Variants in NBR1 observed in about 807,000 individuals in gnomAD.
NBR1 encodes the protein NBR1 autophagy cargo receptor.
In NBR1, 59 loss-of-function variants were observed where a neutral mutation model predicts 115.5. That is an observed-to-expected ratio of 0.51 (90% CI 0.41 to 0.63). NBR1 has a LOEUF of 0.63. NBR1 is among the 30% of genes least tolerant of loss of function. The pLI, the probability that NBR1 is intolerant of heterozygous loss-of-function variation, is 0.00. For synonymous variants in NBR1, 373 were observed against 414.7 expected (o/e 0.90, Z 1.22); for missense variants, 1,043 against 1,150.5 (o/e 0.91, Z 1.35).
At chr17:43,194,848 C>A in intron 13 of NBR1, 116 bp from the exon 14 acceptor site, 1 of 746,826 alleles carries the variant, frequency 1.3e-6, no homozygotes, top group Non-Finnish European at 2.2e-6. Flanking sequence ...TGTCTGGGGA[C>A]AGGCATGAAT....
At chr17:43,173,551 C>A (rs796525330) in intron 1 of NBR1, among the ~76,000 whole-genome samples, 9 of 152,266 alleles carry the variant, frequency 5.9e-5, no homozygotes, top group African/African-American at 1.9e-4. Context: ...TCCCAAAATG[C>A]TGGAATTACA....
At position 43,191,615 on chromosome 17, in the gene NBR1, T is replaced by G. The variant is rs1363313374; in HGVS notation, c.1073+34T>G. The G allele has an allele frequency of 2.7e-6, 4 of 1,458,048 alleles. No homozygotes were observed. In the South Asian group the frequency reaches 5.0e-5, roughly 18 times the overall value. 90.3% of individuals were successfully genotyped at this position (1,458,048 alleles called of 1,614,324 possible). The stretch of plus-strand genomic sequence containing the variant: ...AGGACTGGGGTGGGAGCCAAAACTT[T>G]AGGCCCAGCTCTCTGAAACTGGAAC... On this transcript the variant is annotated intron_variant, in intron 10 of 20. Transcript: ENST00000590996.
At chr17:43,193,678 C>G (rs372094296) in intron 12 of NBR1, 40 bp downstream of exon 12, 17 of 1,559,378 alleles carry the variant, frequency 1.1e-5, no homozygotes, top group Non-Finnish European at 1.4e-5. Flanking sequence ...GTATCCAAAT[C>G]TTAGTTAGAG....
intron 5 of NBR1, among the ~76,000 whole-genome samples, chr17:43,183,478 C>G (rs979884351): frequency 1.5e-4 from 22 of 149,478 alleles, no homozygotes; most frequent in Non-Finnish European, 2.6e-4. Context: ...CTTAGCCTCC[C>G]AAAGTGCTGG....
At chr17:43,208,384 A>G (rs1049625689) in intron 20 of NBR1, among the ~76,000 whole-genome samples, 4 of 152,230 alleles carry the variant, frequency 2.6e-5, no homozygotes, top group Non-Finnish European at 4.4e-5. Flanking sequence ...TTAACCTGCA[A>G]AGGAGGATGG....
intron 7 of NBR1, 62 bp from the exon 8 acceptor site, chr17:43,189,526 C>G: frequency 8.4e-7 from 1 of 1,189,184 alleles, no homozygotes; most frequent in Middle Eastern, 1.9e-4. Flanking sequence ...CTATTGATAT[C>G]TTCACATTTT....
At chr17:43,199,161 C>A (rs1251610117) in intron 16 of NBR1, among the ~76,000 whole-genome samples, 5 of 151,416 alleles carry the variant, frequency 3.3e-5, no homozygotes, top group Admixed American at 1.3e-4. Context: ...TGGCTCATTG[C>A]AGCCACAACA....
intron 5 of NBR1, among the ~76,000 whole-genome samples, chr17:43,181,668 C>CA (rs1016342240): frequency 5.0e-4 from 73 of 147,056 alleles, no homozygotes; most frequent in East Asian, 2.1e-4. Context: ...TGTCTCAAAA[C>CA]AAAAAAAACA....
chr17:43,210,632 A>G lies in NBR1; in HGVS notation c.*558A>G. ...AGAAAGTAATTTTCCTGCAATACTT[A>G]ATAATTGGCACCGTTGCTTTCTAAA... is the stretch of plus-strand genomic sequence containing the variant. On this transcript the variant is annotated 3_prime_UTR_variant, in exon 21 of 21. Transcript: ENST00000590996. 1 of 398,552 alleles carries G rather than the reference A, an allele frequency of 2.5e-6. No individual in the cohort carries two copies. Among genetic ancestry groups the G allele is most frequent in the Non-Finnish European group, 4.4e-6 (1 of 226,056 alleles). 24.7% of individuals were successfully genotyped at this position (398,552 alleles called of 1,614,324 possible).
chr17:43,196,530 G>A lies in NBR1; in HGVS notation c.1800G>A (p.Glu600=). The change falls in exon 15 of 21, where the codon GAG becomes GAA. Residue 600 remains glutamate, a synonymous_variant. Transcript: ENST00000590996. ...SPLPHDSPLI[E]KPGLGQIEEE... ...TGCCACATGACAGTCCTTTAATAGAGAAGCCAGGCTTGGGGCAGATAGAGG... is the reference window on the plus strand; with the variant it reads ...TGCCACATGACAGTCCTTTAATAGAAAAGCCAGGCTTGGGGCAGATAGAGG... The A allele has an allele frequency of 6.2e-7, 1 of 1,605,920 alleles. No homozygotes were observed. Among genetic ancestry groups the A allele is most frequent in the South Asian group, 1.1e-5 (1 of 89,192 alleles).
intron 15 of NBR1, 39 bp downstream of exon 15, chr17:43,196,630 C>A (rs1196725930): frequency 2.2e-6 from 3 of 1,387,888 alleles, no homozygotes; most frequent in Admixed American, 2.1e-5. Flanking sequence ...TGCATCCTCC[C>A]TTTCCATATC....
chr17:43,191,674 C>T, intron 10 of NBR1, 93 bp downstream of exon 10: 1 of 770,202 alleles, frequency 1.3e-6, no homozygotes, highest in Non-Finnish European at 2.1e-6. Flanking sequence ...ATTGGTAGCC[C>T]TTAACACCTA....
At chr17:43,202,406 CA>C (rs1286049012) in intron 18 of NBR1, among the ~76,000 whole-genome samples, 3 of 151,774 alleles carry the variant, frequency 2.0e-5, no homozygotes, top group Non-Finnish European at 2.9e-5. Context: ...CAAAATATAT[CA>C]GTGTGTTAGG....
chr17:43,178,631 A>C (rs1230793549), intron 3 of NBR1, among the ~76,000 whole-genome samples: 3 of 149,410 alleles, frequency 2.0e-5, no homozygotes, highest in Non-Finnish European at 3.0e-5. Context: ...CCCACCTCGG[A>C]CTCCCAAAGT....
chr17:43,206,235 T>C (rs1019372158), intron 20 of NBR1, among the ~76,000 whole-genome samples: 1 of 150,970 alleles, frequency 6.6e-6, no homozygotes, highest in Non-Finnish European at 1.5e-5. Context: ...TGCTGTGTTA[T>C]GAGGTTTGGA....
At chr17:43,188,586 G>A (rs1291667621) in intron 6 of NBR1, among the ~76,000 whole-genome samples, 4 of 152,110 alleles carry the variant, frequency 2.6e-5, no homozygotes, top group African/African-American at 9.7e-5. Context: ...GGTTTTTATG[G>A]TTTTAGATCT....
rs1298970122 is a variant in NBR1 at position 43,187,547 on chromosome 17, C to T, written c.402+1103C>T. Among the ~76,000 whole-genome samples, 9 of 118,806 alleles carry T rather than the reference C, an allele frequency of 7.6e-5. No homozygotes were observed. The East Asian group carries it at 8.2e-4, about 11-fold the overall frequency. 77.9% of individuals were successfully genotyped at this position (118,806 alleles called of 152,430 possible). A position where few individuals can be genotyped will look rare whatever the true frequency, so the allele number is the denominator to read the frequency against. ...TTTTTGAGACAGAGTCTTGCACCTT[C>T]GCCCTGGCTGGAGTACAGTGGCGTG... On this transcript the variant is annotated intron_variant, in intron 6 of 20. Transcript: ENST00000590996.
Position 43,175,696 on chromosome 17 carries a change from C to T in NBR1, c.-9-95C>T, listed in dbSNP as rs117439494. On this transcript the variant is annotated intron_variant, in intron 1 of 20. Coordinates refer to ENST00000590996, the MANE Select transcript of NBR1 (RefSeq NM_005899.5). ...CTCCCAAGCCCAGCCCATATTGGGT[C>T]CTCACAAGTATTTGCTGAGTGAACT... 3,235 of 607,732 alleles carry T rather than the reference C, an allele frequency of 5.3e-3. 12 individuals are homozygous for T. Among genetic ancestry groups the T allele is most frequent in the Non-Finnish European group, 7.3e-3 (2,483 of 338,022 alleles). The allele number at this position is 607,732 out of a possible 1,614,324, so 37.6% of individuals were successfully genotyped here.
intron 10 of NBR1, among the ~76,000 whole-genome samples, chr17:43,192,789 G>A (rs2056979412): frequency 6.6e-6 from 1 of 152,142 alleles, no homozygotes; most frequent in Admixed American, 6.5e-5. Context: ...TGAAGCAAAA[G>A]GAACAAATGT....
Sources: gnomAD v4.1 joint callset for allele counts (sites outside exome capture counted in the v4.1 genomes callset) on GRCh38, gnomAD v4.1.1 for gene constraint, MANE v1.5 for transcripts, NCBI Gene and HGNC (gene_info 2026-07-23, HGNC 2026-07-21) for gene names.